Variants in GADL1 observed in about 807,000 individuals in gnomAD.
The protein encoded by GADL1 is acidic amino acid decarboxylase GADL1.
GADL1 carries 71 observed loss-of-function variants against 69.5 expected under a neutral mutation model. The observed-to-expected ratio is 1.02, with a 90% CI of 0.84 to 1.25. GADL1 has a LOEUF of 1.25. GADL1 is among the 50% of genes most tolerant of loss of function. The pLI, the probability that GADL1 is intolerant of heterozygous loss-of-function variation, is 0.00. For synonymous variants in GADL1, 254 were observed against 214.4 expected (o/e 1.18, Z -1.62); for missense variants, 737 against 631.8 (o/e 1.17, Z -1.79).
chr3:30,823,506 C>T (rs1380555993), intron 11 of GADL1, among the ~76,000 whole-genome samples: 1 of 151,880 alleles, frequency 6.6e-6, no homozygotes, highest in Non-Finnish European at 1.5e-5. Context: ...TGCTAATTCC[C>T]TCAGATACAC....
chr3:30,871,105 T>C (rs1372836152), intron 1 of GADL1, among the ~76,000 whole-genome samples: 2 of 149,618 alleles, frequency 1.3e-5, no homozygotes, highest in Admixed American at 6.7e-5. Flanking sequence ...TACTTCTGTT[T>C]GTCCAAGGGG....
chr3:30,852,983 G>A (rs1338226453), intron 4 of GADL1, among the ~76,000 whole-genome samples: 4 of 152,154 alleles, frequency 2.6e-5, no homozygotes, highest in South Asian at 2.1e-4. Flanking sequence ...TGCCAGTGAC[G>A]TCCATGTAGC....
rs527764767 is a variant in GADL1 at position 30,737,097 on chromosome 3, C to T, written c.1393-8682G>A. Among the ~76,000 whole-genome samples, 10 of 152,124 alleles carry T rather than the reference C, an allele frequency of 6.6e-5. No homozygotes were observed. The South Asian group carries it at 1.9e-3, about 28-fold the overall frequency. On this transcript the variant is annotated intron_variant, in intron 14 of 14. Transcript: ENST00000282538. ...CAAACGTACAAGAAAATACAAATCA[C>T]CTAGATTCAGGCCCCAATCAGAGCA...
chr3:30,811,253 T>C (rs1303431878), intron 11 of GADL1, among the ~76,000 whole-genome samples: 1 of 152,186 alleles, frequency 6.6e-6, no homozygotes, highest in Non-Finnish European at 1.5e-5. Flanking sequence ...AACTAAGATA[T>C]TTTTAGAAAT....
chr3:30,776,900 A>T (rs1040878842), intron 14 of GADL1, among the ~76,000 whole-genome samples: 2 of 152,144 alleles, frequency 1.3e-5, no homozygotes, highest in African/African-American at 4.8e-5. Context: ...TCATGCTGTG[A>T]TTCTTCCTGG....
intron 14 of GADL1, among the ~76,000 whole-genome samples, chr3:30,755,316 T>C (rs990528902): frequency 7.2e-5 from 11 of 152,312 alleles, no homozygotes; most frequent in African/African-American, 2.6e-4. Flanking sequence ...TCTTATTAAA[T>C]AGCAACAATA....
chr3:30,843,109 T>C (rs1406552305), intron 8 of GADL1, among the ~76,000 whole-genome samples: 1 of 152,178 alleles, frequency 6.6e-6, no homozygotes, highest in Non-Finnish European at 1.5e-5. Flanking sequence ...TCAGTAGTCA[T>C]GCCTGCCTTT....
chr3:30,875,013 G>A (rs1428317888), intron 1 of GADL1, among the ~76,000 whole-genome samples: 3 of 151,912 alleles, frequency 2.0e-5, no homozygotes, highest in Non-Finnish European at 4.4e-5. Context: ...GGAAGATTGA[G>A]ATGGCTGGGT....
At position 30,824,279 on chromosome 3, in the gene GADL1, GAA is replaced by G. The variant is rs944614297; in HGVS notation, c.1050+9572_1050+9573del. Among the ~76,000 whole-genome samples, 36 of 146,906 alleles carry G rather than the reference GAA, an allele frequency of 2.5e-4. 1 individual carries two copies. The highest frequency in any genetic ancestry group is 2.0e-3 in the Admixed American group (30 of 14,766). On this transcript the variant is annotated intron_variant, in intron 11 of 14. Coordinates refer to ENST00000282538, the MANE Select transcript of GADL1 (RefSeq NM_207359.3). The stretch of plus-strand genomic sequence containing the variant: ...AACACAACAACAAAAGGCAAAAAGA[GAA>G]AAAAAATTAATTAGAAAAAGAAAAA...
intron 13 of GADL1, among the ~76,000 whole-genome samples, chr3:30,781,103 G>A (rs1376171955): frequency 6.6e-6 from 1 of 152,090 alleles, no homozygotes; most frequent in South Asian, 2.1e-4. Flanking sequence ...ACAAAATTAG[G>A]AAGGTATTTA....
At chr3:30,763,784 A>ATC (rs1199925479) in intron 14 of GADL1, among the ~76,000 whole-genome samples, 1 of 152,162 alleles carries the variant, frequency 6.6e-6, no homozygotes, top group Non-Finnish European at 1.5e-5. Context: ...ATCTTTATCT[A>ATC]TCTCTCCATC....
At chr3:30,750,394 C>T (rs114259359) in intron 14 of GADL1, among the ~76,000 whole-genome samples, 1,567 of 152,264 alleles carry the variant, frequency 0.01, 30 homozygotes, top group African/African-American at 0.035. Flanking sequence ...TAACAGCACA[C>T]GGAGTGGCAC....
chr3:30,775,151 C>T lies in GADL1; in HGVS notation c.1392+3028G>A, dbSNP rs7635379. ...GTGATTGTGTTCTCAAATAGTCTCA[C>T]GTACGTGCACATACTTGCAAGCATA... On this transcript the variant is annotated intron_variant, in intron 14 of 14. Transcript: ENST00000282538. 1.6e-3 allele frequency among the ~76,000 whole-genome samples: 237 copies of T among 152,304 alleles called. 1 individual carries two copies. The highest frequency in any genetic ancestry group is 5.4e-3 in the African/African-American group (225 of 41,570).
At chr3:30,892,048 A>C (rs1575250653) in intron 1 of GADL1, among the ~76,000 whole-genome samples, 1 of 152,360 alleles carries the variant, frequency 6.6e-6, no homozygotes, top group Non-Finnish European at 1.5e-5. Context: ...GGAAGAATGG[A>C]AAGTTGTGCT....
intron 12 of GADL1, chr3:30,800,098 C>A (rs961921839): frequency 6.5e-6 from 1 of 153,154 alleles, no homozygotes; most frequent in South Asian, 2.1e-4. Flanking sequence ...TTTTGGGTAT[C>A]TTTTCAGCAG....
chr3:30,860,627 A>G (rs974367631), intron 2 of GADL1, among the ~76,000 whole-genome samples: 4 of 152,038 alleles, frequency 2.6e-5, no homozygotes, highest in African/African-American at 9.7e-5. Context: ...CAGAATAAAT[A>G]TCACCTCACT....
chr3:30,820,869 A>G (rs1222466544), intron 11 of GADL1, among the ~76,000 whole-genome samples: 2 of 151,896 alleles, frequency 1.3e-5, no homozygotes, highest in Non-Finnish European at 2.9e-5. Flanking sequence ...AGACACATGC[A>G]CATGTATGTT....
intron 14 of GADL1, among the ~76,000 whole-genome samples, chr3:30,753,052 G>A (rs1695870773): frequency 6.6e-6 from 1 of 152,114 alleles, no homozygotes; most frequent in African/African-American, 2.4e-5. Context: ...TCTTAAACCA[G>A]CTACTCTTTA....
chr3:30,847,594 C>CT (rs1206485651), intron 6 of GADL1, among the ~76,000 whole-genome samples: 1 of 152,172 alleles, frequency 6.6e-6, no homozygotes, highest in South Asian at 2.1e-4. Flanking sequence ...TAACCTGACT[C>CT]TTTGAGTAGG....
Sources: gnomAD v4.1 joint callset for allele counts (sites outside exome capture counted in the v4.1 genomes callset) on GRCh38, gnomAD v4.1.1 for gene constraint, MANE v1.5 for transcripts, NCBI Gene and HGNC (gene_info 2026-07-23, HGNC 2026-07-21) for gene names.